Variants in SEMA6D observed in about 807,000 individuals in gnomAD.
SEMA6D encodes the protein semaphorin-6D.
Under a neutral mutation model 106.6 loss-of-function variants are expected in SEMA6D, and 35 were observed. That is an observed-to-expected ratio of 0.33 (90% CI 0.25 to 0.44). The LOEUF is 0.44. Among genes scored for constraint, SEMA6D ranks in the 20% least tolerant of loss-of-function variants. SEMA6D has a pLI of 1.00. For missense variants in SEMA6D, 1,185 were observed against 1,345.9 expected (o/e 0.88, Z 1.87); for synonymous variants, 499 against 487.7 (o/e 1.02, Z -0.31).
At chr15:47,451,654 A>G (rs2042196449) in intron 2 of SEMA6D, among the ~76,000 whole-genome samples, 2 of 152,016 alleles carry the variant, frequency 1.3e-5, no homozygotes, top group African/African-American at 4.8e-5. Context: ...ATTTAGGTTT[A>G]TAACCTGGAA....
intron 1 of SEMA6D, among the ~76,000 whole-genome samples, chr15:47,248,664 C>T (rs2033336454): frequency 6.6e-6 from 1 of 152,138 alleles, no homozygotes; most frequent in South Asian, 2.1e-4. Context: ...AAACTTAGCT[C>T]TCAGATACTT....
At chr15:47,281,828 C>T (rs1174236564) in intron 1 of SEMA6D, among the ~76,000 whole-genome samples, 1 of 152,024 alleles carries the variant, frequency 6.6e-6, no homozygotes, top group Non-Finnish European at 1.5e-5. Context: ...GAGATATGCC[C>T]ATTCTTATTA....
chr15:47,500,294 A>G (rs949366771), intron 3 of SEMA6D, among the ~76,000 whole-genome samples: 34 of 143,034 alleles, frequency 2.4e-4, no homozygotes, highest in African/African-American at 8.3e-4. Context: ...ATGTAAATGG[A>G]GCTAAATTAT....
rs184692899 is a variant in SEMA6D, at chr15:47,346,866, A to G, written c.-238-65527A>G. ...ATTGATGACAACTTGCAATCCTACTATGGGTTTTGTGATTCCACTGAAGTA... is the reference window on the plus strand; with the variant it reads ...ATTGATGACAACTTGCAATCCTACTGTGGGTTTTGTGATTCCACTGAAGTA... On this transcript the variant is annotated intron_variant, in intron 1 of 19. Transcript: ENST00000558014. Among the ~76,000 whole-genome samples, 4 of 151,852 alleles carry G rather than the reference A, an allele frequency of 2.6e-5. No individual in the cohort carries two copies. In the East Asian group the frequency reaches 7.8e-4, roughly 29 times the overall value.
intron 2 of SEMA6D, among the ~76,000 whole-genome samples, chr15:47,414,181 C>T (rs1468267630): frequency 2.0e-5 from 3 of 152,066 alleles, no homozygotes; most frequent in Admixed American, 2.0e-4. Flanking sequence ...ATGAATGTAT[C>T]ATTATGGTTT....
chr15:47,368,524 G>A (rs1021199821), intron 1 of SEMA6D, among the ~76,000 whole-genome samples: 3 of 151,948 alleles, frequency 2.0e-5, no homozygotes, highest in Non-Finnish European at 4.4e-5. Flanking sequence ...AGGCTGGAGT[G>A]CAGTGGCGGG....
At chr15:47,606,678 T>C (rs1336915166) in intron 4 of SEMA6D, among the ~76,000 whole-genome samples, 1 of 152,186 alleles carries the variant, frequency 6.6e-6, no homozygotes, top group Non-Finnish European at 1.5e-5. Context: ...CCACAGATGT[T>C]TCAAGGAAAT....
chr15:47,687,180 A>C (rs1235078663), intron 4 of SEMA6D, among the ~76,000 whole-genome samples: 1 of 152,108 alleles, frequency 6.6e-6, no homozygotes, highest in Non-Finnish European at 1.5e-5. Context: ...GATAAAATGA[A>C]AGCTCCTGGA....
intron 1 of SEMA6D, among the ~76,000 whole-genome samples, chr15:47,202,024 G>A (rs1287546757): frequency 6.6e-6 from 1 of 151,940 alleles, no homozygotes. Context: ...GCTTTGTTTG[G>A]GAAATTGCTT....
intron 1 of SEMA6D, among the ~76,000 whole-genome samples, chr15:47,344,024 A>G (rs962209148): frequency 1.3e-5 from 2 of 152,180 alleles, no homozygotes; most frequent in African/African-American, 2.4e-5. Context: ...AATCAAAACC[A>G]CAATGAGATA....
chr15:47,515,316 C>T (rs2044355740), intron 3 of SEMA6D, among the ~76,000 whole-genome samples: 2 of 152,084 alleles, frequency 1.3e-5, no homozygotes, highest in African/African-American at 4.8e-5. Flanking sequence ...TACTTTTTTC[C>T]TTAGCTTTTA....
intron 4 of SEMA6D, among the ~76,000 whole-genome samples, chr15:47,679,413 T>TA (rs938494329): frequency 4.6e-5 from 7 of 151,898 alleles, no homozygotes; most frequent in African/African-American, 9.7e-5. Flanking sequence ...GGCTGAGAAA[T>TA]AAAAAAAAGT....
At chr15:47,253,965 T>G (rs1480904840) in intron 1 of SEMA6D, among the ~76,000 whole-genome samples, 1 of 152,164 alleles carries the variant, frequency 6.6e-6, no homozygotes. Context: ...TTAATGATAT[T>G]AATTCTTTCA....
At chr15:47,549,287 G>A (rs66618959) in intron 3 of SEMA6D, among the ~76,000 whole-genome samples, 40,215 of 152,010 alleles carry the variant, frequency 0.26, 5,655 homozygotes, top group East Asian at 0.47. Context: ...TGCATGAAGG[G>A]AAGCTTCTTC....
chr15:47,319,512 C>T (rs2143591432), intron 1 of SEMA6D, among the ~76,000 whole-genome samples: 1 of 152,102 alleles, frequency 6.6e-6, no homozygotes, highest in South Asian at 2.1e-4. Context: ...CTGTGAACTG[C>T]ACAAGTATTT....
Position 47,266,126 on chromosome 15 carries a change from T to G in SEMA6D, c.-239+81708T>G, listed in dbSNP as rs566128167. Reference sequence around the variant, plus strand: ...TGATCCCAGCAGGGCTCTTCCCTGTTGTCACTTTTCCCCATTCTGACAATC... The same window carrying G: ...TGATCCCAGCAGGGCTCTTCCCTGTGGTCACTTTTCCCCATTCTGACAATC... On this transcript the variant is annotated intron_variant, in intron 1 of 19. Coordinates refer to the SEMA6D transcript ENST00000558014. 3.9e-5 allele frequency among the ~76,000 whole-genome samples: 6 copies of G among 152,234 alleles called. No homozygotes were observed. In the South Asian group the frequency reaches 8.3e-4, roughly 21 times the overall value.
chr15:47,703,469 T>C (rs928601877), intron 4 of SEMA6D, among the ~76,000 whole-genome samples: 12 of 152,174 alleles, frequency 7.9e-5, no homozygotes. Flanking sequence ...ATAACATATT[T>C]TTGTGCAATA....
intron 1 of SEMA6D, among the ~76,000 whole-genome samples, chr15:47,403,029 T>G (rs1407503130): frequency 6.6e-6 from 1 of 152,132 alleles, no homozygotes; most frequent in African/African-American, 2.4e-5. Flanking sequence ...GAAAAGCAAT[T>G]ATGCATTCTG....
At chr15:47,601,114 GAGAA>G (rs1170754331) in intron 4 of SEMA6D, among the ~76,000 whole-genome samples, 1 of 151,846 alleles carries the variant, frequency 6.6e-6, no homozygotes, top group African/African-American at 2.4e-5. Flanking sequence ...GAGAGAGAGA[GAGAA>G]AGAGAGAGAG....
Sources: allele counts gnomAD v4.1 joint callset (sites outside exome capture counted in the v4.1 genomes callset), GRCh38; gene constraint gnomAD v4.1.1; transcripts MANE v1.5; gene names NCBI Gene and HGNC (gene_info 2026-07-23, HGNC 2026-07-21).